Variants in LYPLA1 observed in about 807,000 individuals in gnomAD.
LYPLA1 encodes lysophospholipase 1, also known as acyl-protein thioesterase 1.
Under a neutral mutation model 34.0 loss-of-function variants are expected in LYPLA1, and 17 were observed. The ratio of observed to expected loss-of-function variants is 0.50; its 90% CI spans 0.34 to 0.75. The LOEUF is 0.75. Among genes scored for constraint, LYPLA1 ranks in the 30% least tolerant of loss-of-function variants. The probability of loss-of-function intolerance (pLI) is 0.01; values close to 1 mark genes in which losing one functional copy is unlikely to be tolerated. For missense variants in LYPLA1, 203 were observed against 288.8 expected (o/e 0.70, Z 2.15); for synonymous variants, 98 against 100.8 (o/e 0.97, Z 0.17).
chr8:54,045,717 C>A (rs1319101151), downstream of LYPLA1: 1 of 152,194 alleles, frequency 6.6e-6, no homozygotes, highest in Non-Finnish European at 1.5e-5. Flanking sequence ...AGAAAAACTA[C>A]TTGGATAACT....
Position 54,052,766 on chromosome 8 carries a change from C to T in LYPLA1, c.361-10G>A. The T allele has an allele frequency of 6.4e-7, 1 of 1,567,464 alleles. No individual in the cohort carries two copies. Among genetic ancestry groups the T allele is most frequent in the Non-Finnish European group, 8.8e-7 (1 of 1,138,436 alleles). On this transcript the variant is annotated splice_polypyrimidine_tract_variant and intron_variant, in intron 6 of 8. Transcript: ENST00000316963. ...AAGATAAAGCTCCTCCCTGAAAAGA[C>T]AAGCAGGGAAAGTCAATGGAACACA...
intron 5 of LYPLA1, among the ~76,000 whole-genome samples, chr8:54,058,859 T>A (rs1436258160): frequency 1.3e-5 from 2 of 151,880 alleles, no homozygotes; most frequent in Admixed American, 6.6e-5. Flanking sequence ...ATGAGCAACA[T>A]CCCTTGGCCT....
chr8:54,077,447 G>C (rs1217103520), intron 2 of LYPLA1, among the ~76,000 whole-genome samples: 6 of 152,132 alleles, frequency 3.9e-5, no homozygotes, highest in Non-Finnish European at 8.8e-5. Context: ...CTCAGAACAT[G>C]CAGTTTACCT....
rs552519335 is a variant in LYPLA1, at chr8:54,091,574, A to G, written c.101+9334T>C. 2.1e-4 allele frequency among the ~76,000 whole-genome samples: 27 copies of G among 128,896 alleles called. No individual in the cohort carries two copies. In the South Asian group the frequency reaches 6.6e-3, roughly 32 times the overall value. 84.6% of individuals were successfully genotyped at this position (128,896 alleles called of 152,430 possible). On this transcript the variant is annotated intron_variant, in intron 2 of 8. Transcript: ENST00000316963. ...AAGAAGAAAGGAAGGAAGGAAAGAAAGAAAGAAAAGGAAGGAAGGAAGGAA... is the reference window on the plus strand; with the variant it reads ...AAGAAGAAAGGAAGGAAGGAAAGAAGGAAAGAAAAGGAAGGAAGGAAGGAA...
intron 2 of LYPLA1, among the ~76,000 whole-genome samples, chr8:54,075,267 C>T (rs1019832589): frequency 3.3e-5 from 5 of 152,108 alleles, no homozygotes; most frequent in African/African-American, 4.8e-5. Context: ...TGGAGAGATC[C>T]GATTACAAAA....
At chr8:54,058,400 C>T (rs1487322544) in intron 5 of LYPLA1, among the ~76,000 whole-genome samples, 2 of 152,004 alleles carry the variant, frequency 1.3e-5, no homozygotes, top group South Asian at 2.1e-4. Flanking sequence ...AAAACGTAGC[C>T]GGGCATGGTG....
intron 2 of LYPLA1, among the ~76,000 whole-genome samples, chr8:54,093,216 G>C (rs1809440229): frequency 2.0e-5 from 3 of 152,332 alleles, no homozygotes; most frequent in Admixed American, 2.0e-4. Context: ...AAGGTAGTGA[G>C]AATAATGGTG....
Position 54,099,783 on chromosome 8 carries a change from A to T in LYPLA1, c.101+1125T>A, listed in dbSNP as rs150465393. Among the ~76,000 whole-genome samples the T allele has an allele frequency of 6.1e-4, 93 of 151,868 alleles. No homozygotes were observed. The East Asian group carries it at 0.017, about 28-fold the overall frequency. The stretch of plus-strand genomic sequence containing the variant: ...ACTGAAGCCTCTGCCTCCCAGGTTC[A>T]AGTGATTCTCTTCTCTCAGCCTCCC... On this transcript the variant is annotated intron_variant, in intron 2 of 8. Transcript: ENST00000316963.
rs564310788 is a variant in LYPLA1, at chr8:54,069,494, C to T, written c.102-3681G>A. On this transcript the variant is annotated intron_variant, in intron 2 of 8. Coordinates refer to ENST00000316963, the MANE Select transcript of LYPLA1 (RefSeq NM_006330.4). ...TTTGGGAGGCCAAGGCGGGCAGATC[C>T]CTTGAGTCCAGGAGTTCAAGACCTG... Among the ~76,000 whole-genome samples the T allele has an allele frequency of 1.2e-4, 19 of 152,078 alleles. No homozygotes were observed. The South Asian group carries it at 4.0e-3, about 32-fold the overall frequency.
chr8:54,076,945 CTG>C (rs1040104837), intron 2 of LYPLA1, among the ~76,000 whole-genome samples: 4 of 152,240 alleles, frequency 2.6e-5, no homozygotes, highest in Admixed American at 6.5e-5. Context: ...CTCTATATTT[CTG>C]TGTGTGTGTC....
intron 2 of LYPLA1, among the ~76,000 whole-genome samples, chr8:54,066,332 A>C (rs996279491): frequency 6.6e-6 from 1 of 152,218 alleles, no homozygotes; most frequent in Non-Finnish European, 1.5e-5. Context: ...CCTAGGGATA[A>C]GGATGATTTC....
At chr8:54,078,105 C>T (rs1189763289) in intron 2 of LYPLA1, among the ~76,000 whole-genome samples, 1 of 151,872 alleles carries the variant, frequency 6.6e-6, no homozygotes, top group African/African-American at 2.4e-5. Flanking sequence ...CGTGCACCAC[C>T]ACGCCCTGCT....
At chr8:54,064,141 G>T (rs377212107) in intron 3 of LYPLA1, among the ~76,000 whole-genome samples, 1 of 151,954 alleles carries the variant, frequency 6.6e-6, no homozygotes, top group Admixed American at 6.6e-5. Context: ...TGGGCCGGGC[G>T]GGGTGGGTCA....
At chr8:54,061,182 G>A (rs2129331727) in intron 5 of LYPLA1, among the ~76,000 whole-genome samples, 1 of 152,050 alleles carries the variant, frequency 6.6e-6, no homozygotes, top group African/African-American at 2.4e-5. Flanking sequence ...CTGGGTTCAA[G>A]CGATTCTCCT....
intron 2 of LYPLA1, chr8:54,073,492 GACTCCAGAACT>G (rs1296099610): frequency 4.0e-6 from 3 of 742,838 alleles, no homozygotes; most frequent in Non-Finnish European, 7.5e-6. Flanking sequence ...TAGCTTCCAG[GACTCCAGAACT>G]ACCAGCATCT....
chr8:54,064,416 C>CA (rs199894572), intron 3 of LYPLA1, among the ~76,000 whole-genome samples: 1,752 of 149,298 alleles, frequency 0.012, 33 homozygotes, highest in African/African-American at 0.041. Flanking sequence ...GACTCCATCT[C>CA]AAAAAAAAAG....
intron 2 of LYPLA1, among the ~76,000 whole-genome samples, chr8:54,081,398 G>A (rs1157126781): frequency 1.3e-5 from 2 of 151,342 alleles, no homozygotes; most frequent in South Asian, 2.1e-4. Flanking sequence ...AAGAGCTCAA[G>A]AAAATGTCTT....
In LYPLA1 at chr8:54,051,167, T is replaced by C; in HGVS notation, c.484A>G (p.Arg162Gly). The C allele has an allele frequency of 6.2e-7, 1 of 1,612,082 alleles. No homozygotes were observed. The change falls in exon 8 of 9, where the codon AGA becomes GGA. Residue 162 changes from arginine (R) to glycine (G), a missense_variant. By Grantham distance (125) the Arg-to-Gly change is moderately radical. This residue lies in a region of LYPLA1 where 123 missense variants were observed against 199.2 expected (regional missense o/e 0.62). Coordinates refer to ENST00000316963, the MANE Select transcript of LYPLA1 (RefSeq NM_006330.4). ...FPQGPIGGAN[R>G]DISILQCHGD... ...TGGCACTGGAGAATAGAAATATCTC[T>C]ATTAGCACCACCGATAGGACCCTGC...
intron 2 of LYPLA1, among the ~76,000 whole-genome samples, chr8:54,066,342 C>T (rs117017590): frequency 0.013 from 1,998 of 152,286 alleles, 33 homozygotes; most frequent in Non-Finnish European, 0.021. Flanking sequence ...AGGATGATTT[C>T]TCAGATTTCT....
Sources: gnomAD v4.1 joint callset for allele counts (sites outside exome capture counted in the v4.1 genomes callset) on GRCh38, gnomAD v4.1.1 for gene constraint, gnomAD v4.1.1 regional missense constraint, MANE v1.5 for transcripts, NCBI Gene and HGNC (gene_info 2026-07-23, HGNC 2026-07-21) for gene names.